The following MTUS2 variants were observed in gnomAD, a reference collection of about 807,000 sequenced individuals.
The protein encoded by MTUS2 is microtubule associated scaffold protein 2, also known as microtubule-associated tumor suppressor candidate 2.
A neutral mutation model predicts 114.1 loss-of-function variants in MTUS2; 40 were observed. The observed-to-expected ratio is 0.35, with a 90% CI of 0.27 to 0.46. The LOEUF is 0.46. Ranked by LOEUF, MTUS2 falls within the 20% of genes least tolerant of loss-of-function variation. MTUS2 has a pLI of 1.00. For synonymous variants in MTUS2, 688 were observed against 672.0 expected, an observed-to-expected ratio of 1.02 and a Z score of -0.37; for missense variants, 1,679 against 1,705.4, an observed-to-expected ratio of 0.98 and a Z score of 0.27.
chr13:28,901,014 C>T (rs1417608002), intron 2 of MTUS2, among the ~76,000 whole-genome samples: 2 of 152,162 alleles, frequency 1.3e-5, no homozygotes, highest in Non-Finnish European at 2.9e-5. Context: ...ACAAGTGAAC[C>T]TGTTTCTCCA....
At chr13:29,092,220 G>A (rs552434691) in intron 4 of MTUS2, among the ~76,000 whole-genome samples, 7 of 152,340 alleles carry the variant, frequency 4.6e-5, no homozygotes, top group Admixed American at 4.6e-4. Flanking sequence ...TCTGTTTGGT[G>A]TGCGTTCCTC....
At chr13:28,926,632 C>CAA (rs1881342529) in intron 2 of MTUS2, among the ~76,000 whole-genome samples, 2 of 152,148 alleles carry the variant, frequency 1.3e-5, no homozygotes, top group African/African-American at 4.8e-5. Flanking sequence ...ATTTCTTTTT[C>CAA]AAACTTATTT....
chr13:29,132,021 A>G (rs1182948384), intron 5 of MTUS2, among the ~76,000 whole-genome samples: 2 of 152,236 alleles, frequency 1.3e-5, no homozygotes, highest in Non-Finnish European at 2.9e-5. Context: ...GAGCAGTTAA[A>G]TGACCTCCCA....
intron 6 of MTUS2, among the ~76,000 whole-genome samples, chr13:29,300,710 T>C (rs1473112485): frequency 6.6e-6 from 1 of 152,162 alleles, no homozygotes; most frequent in Non-Finnish European, 1.5e-5. Flanking sequence ...AAGGGGTGTA[T>C]TATTTGAAGA....
At chr13:29,012,310 C>T (rs952258825) in intron 2 of MTUS2, among the ~76,000 whole-genome samples, 2 of 152,108 alleles carry the variant, frequency 1.3e-5, no homozygotes, top group Non-Finnish European at 2.9e-5. Context: ...CACGCCCACT[C>T]CCGGGAATCA....
chr13:29,031,087 A>G (rs550744346), intron 3 of MTUS2, among the ~76,000 whole-genome samples: 117 of 152,140 alleles, frequency 7.7e-4, no homozygotes, highest in African/African-American at 2.7e-3. Flanking sequence ...GTGGGAAGAA[A>G]GGGGCTTGGC....
intron 2 of MTUS2, among the ~76,000 whole-genome samples, chr13:28,905,017 T>G (rs916205492): frequency 6.6e-6 from 1 of 151,654 alleles, no homozygotes; most frequent in Admixed American, 6.6e-5. Context: ...TTTGAAGCAA[T>G]TGTGAATGGG....
Position 29,359,317 on chromosome 13 carries a change from C to T in MTUS2, c.2961C>T (p.Asp987=). 12 of 1,610,300 alleles carry T rather than the reference C, an allele frequency of 7.5e-6. No individual in the cohort carries two copies. The highest frequency in any genetic ancestry group is 1.0e-5 in the Non-Finnish European group (12 of 1,178,470). ...AARNGFPPKP[D]PQAREAERQL... ...GAAATGGGTTTCCGCCCAAGCCGGACCCGCAGGCCCGTGAGGCTGAGCGGC... is the reference window on the plus strand; with the variant it reads ...GAAATGGGTTTCCGCCCAAGCCGGATCCGCAGGCCCGTGAGGCTGAGCGGC... The change falls in exon 8 of 16, where the codon GAC becomes GAT. Residue 987 remains aspartate (D), a synonymous_variant. Coordinates refer to ENST00000612955, the MANE Select transcript of MTUS2 (RefSeq NM_001033602.4).
At chr13:29,220,903 T>C (rs1895880697) in intron 5 of MTUS2, among the ~76,000 whole-genome samples, 1 of 152,234 alleles carries the variant, frequency 6.6e-6, no homozygotes, top group African/African-American at 2.4e-5. Context: ...CAAAGCACGA[T>C]AGAATGAGGC....
intron 1 of MTUS2, among the ~76,000 whole-genome samples, chr13:28,838,907 C>T (rs1875275199): frequency 1.3e-5 from 2 of 152,086 alleles, no homozygotes; most frequent in Admixed American, 1.3e-4. Context: ...GTTACTCATA[C>T]CCAAACCATT....
chr13:29,373,828 A>T (rs961411759), intron 8 of MTUS2, among the ~76,000 whole-genome samples: 14 of 152,348 alleles, frequency 9.2e-5, no homozygotes, highest in African/African-American at 3.1e-4. Flanking sequence ...ACAATTTAAA[A>T]CTATTTAGCA....
At chr13:29,158,358 C>CCCCCCCCCTTTCTT in intron 5 of MTUS2, among the ~76,000 whole-genome samples, 1 of 32,048 alleles carries the variant, frequency 3.1e-5, no homozygotes, top group African/African-American at 2.1e-4. Flanking sequence ...GTCCACCCCG[C>CCCCCCCCCTTTCTT]TTTTTTTTTT....
intron 1 of MTUS2, among the ~76,000 whole-genome samples, chr13:28,830,974 A>C (rs919180731): frequency 6.6e-6 from 1 of 152,198 alleles, no homozygotes; most frequent in African/African-American, 2.4e-5. Context: ...AAAAACAAAA[A>C]CAGAGAATTT....
At chr13:29,354,369 T>TA (rs949764656) in intron 7 of MTUS2, among the ~76,000 whole-genome samples, 7 of 151,900 alleles carry the variant, frequency 4.6e-5, no homozygotes, top group African/African-American at 1.4e-4. Flanking sequence ...ATTAAGCCAC[T>TA]ATTTTTCACC....
In MTUS2 at chr13:29,026,451, C is replaced by T; in HGVS notation, c.1753C>T (p.Pro585Ser). The stretch of plus-strand genomic sequence containing the variant: ...TAGTGCACGCTTGTTGAACACGTCC[C>T]CCAAAGTGCCTGACAAGAACACTTG... Reference protein sequence around the residue: ...TDSARLLNTSPKVPDKNTCPS... With the variant: ...TDSARLLNTSSKVPDKNTCPS... The change falls in exon 3 of 16, where the codon CCC becomes TCC. Residue 585 changes from proline to serine, a missense_variant. Coordinates refer to ENST00000612955, the MANE Select transcript of MTUS2 (RefSeq NM_001033602.4). 1 of 1,613,948 alleles carries T rather than the reference C, an allele frequency of 6.2e-7. No homozygotes were observed.
chr13:29,125,061 A>C (rs1019740630), intron 5 of MTUS2, among the ~76,000 whole-genome samples: 1 of 152,356 alleles, frequency 6.6e-6, no homozygotes, highest in Non-Finnish European at 1.5e-5. Flanking sequence ...ACTGAACTTT[A>C]CACTTAAAAA....
chr13:29,029,065 G>A (rs760681331), intron 3 of MTUS2, among the ~76,000 whole-genome samples: 17 of 152,312 alleles, frequency 1.1e-4, no homozygotes, highest in Admixed American at 4.6e-4. Flanking sequence ...AATCACTGAC[G>A]AGGTGCCCCA....
intron 11 of MTUS2, among the ~76,000 whole-genome samples, chr13:29,491,104 ATAGT>A (rs1462931643): frequency 6.8e-6 from 1 of 146,288 alleles, no homozygotes; most frequent in Non-Finnish European, 1.5e-5. Flanking sequence ...GCGGGTGTTT[ATAGT>A]GTGTGCAGTG....
intron 6 of MTUS2, among the ~76,000 whole-genome samples, chr13:29,286,753 C>T (rs1898509561): frequency 6.6e-6 from 1 of 151,012 alleles, no homozygotes; most frequent in Non-Finnish European, 1.5e-5. Flanking sequence ...TGCAGTGGCA[C>T]GACCTCAGCT....
Sources: gnomAD v4.1 joint callset for allele counts (sites outside exome capture counted in the v4.1 genomes callset) on GRCh38, gnomAD v4.1.1 for gene constraint, MANE v1.5 for transcripts, NCBI Gene and HGNC (gene_info 2026-07-23, HGNC 2026-07-21) for gene names.